WWOX: variants seen among roughly 807,000 people sequenced by gnomAD.
The protein encoded by WWOX is WW domain containing oxidoreductase, also known as WW domain-containing oxidoreductase.
Under a neutral mutation model 46.2 loss-of-function variants are expected in WWOX, and 69 were observed. That is an observed-to-expected ratio of 1.49 (90% CI 1.23 to 1.82). The LOEUF (loss-of-function observed/expected upper bound fraction) is 1.82, where lower values mean the gene tolerates loss of function less well. WWOX is among the 40% of genes most tolerant of loss of function. The probability of loss-of-function intolerance (pLI) is 0.00; values close to 1 mark genes in which losing one functional copy is unlikely to be tolerated. For synonymous variants in WWOX, 359 were observed against 202.6 expected (o/e 1.77, Z -6.56); for missense variants, 919 against 542.6 (o/e 1.69, Z -6.89).
At chr16:79,104,054 G>A (rs1176978526) in intron 8 of WWOX, among the ~76,000 whole-genome samples, 1 of 77,400 alleles carries the variant, frequency 1.3e-5, no homozygotes, top group African/African-American at 4.5e-5. Flanking sequence ...GGGGGGGCGG[G>A]TGGTGGGGGT....
intron 8 of WWOX, among the ~76,000 whole-genome samples, chr16:79,030,164 C>T (rs1297741552): frequency 6.6e-6 from 1 of 152,188 alleles, no homozygotes; most frequent in African/African-American, 2.4e-5. Context: ...GTCTAATTTT[C>T]CGTTATCATA....
chr16:78,102,199 C>G (rs1325722138), intron 1 of WWOX, among the ~76,000 whole-genome samples: 1 of 152,168 alleles, frequency 6.6e-6, no homozygotes, highest in Non-Finnish European at 1.5e-5. Flanking sequence ...GCCTGAGGCA[C>G]TGTGCCAAGC....
At chr16:78,603,048 G>A (rs76993672) in intron 8 of WWOX, among the ~76,000 whole-genome samples, 1 of 152,132 alleles carries the variant, frequency 6.6e-6, no homozygotes, top group African/African-American at 2.4e-5. Flanking sequence ...ATTGTGAACG[G>A]GGTGGAGGTG....
Position 78,605,731 on chromosome 16 carries a change from G to C in WWOX, c.1056+172979G>C, listed in dbSNP as rs80166050. On this transcript the variant is annotated intron_variant, in intron 8 of 8. Transcript: ENST00000566780. Reference sequence around the variant, plus strand: ...TGAGTGTCTACAGATGATGAAAATAGCCAGTTATCTTTGCCCTTCATGGAA... The same window carrying C: ...TGAGTGTCTACAGATGATGAAAATACCCAGTTATCTTTGCCCTTCATGGAA... Among the ~76,000 whole-genome samples, 23 of 152,284 alleles carry C rather than the reference G, an allele frequency of 1.5e-4. No individual in the cohort carries two copies. The East Asian group carries it at 3.9e-3, about 26-fold the overall frequency.
At chr16:78,908,535 G>C (rs1051892930) in intron 8 of WWOX, among the ~76,000 whole-genome samples, 1 of 53,914 alleles carries the variant, frequency 1.9e-5, no homozygotes, top group Admixed American at 2.8e-4. Context: ...CTGAAACTCT[G>C]TCTCGGAAAA....
At position 78,814,297 on chromosome 16, in the gene WWOX, A is replaced by T. The variant is rs964809992; in HGVS notation, c.1056+381545A>T. Among the ~76,000 whole-genome samples, 5 of 152,020 alleles carry T rather than the reference A, an allele frequency of 3.3e-5. No homozygotes were observed. In the East Asian group the frequency reaches 9.7e-4, roughly 29 times the overall value. On this transcript the variant is annotated intron_variant, in intron 8 of 8. Transcript: ENST00000566780. ...TCCCCTTCCCCTCTTGTTCCTTTTTATCCTCCTGGTGAAGTATCTCCTTTT... is the reference window on the plus strand; with the variant it reads ...TCCCCTTCCCCTCTTGTTCCTTTTTTTCCTCCTGGTGAAGTATCTCCTTTT...
At chr16:78,759,529 C>G (rs1364613099) in intron 8 of WWOX, among the ~76,000 whole-genome samples, 2 of 152,048 alleles carry the variant, frequency 1.3e-5, no homozygotes, top group South Asian at 2.1e-4. Flanking sequence ...GTGAGCCTGC[C>G]CATATCTCGG....
At chr16:78,111,329 A>T (rs1444775921) in intron 3 of WWOX, among the ~76,000 whole-genome samples, 1 of 152,246 alleles carries the variant, frequency 6.6e-6, no homozygotes, top group East Asian at 1.9e-4. Flanking sequence ...ATTATCAATC[A>T]TTACTATAAA....
At chr16:78,990,572 C>A (rs1287012800) in intron 8 of WWOX, among the ~76,000 whole-genome samples, 2 of 152,152 alleles carry the variant, frequency 1.3e-5, no homozygotes, top group African/African-American at 4.8e-5. Context: ...CCCCAAAGCC[C>A]CAGGGTAATT....
intron 8 of WWOX, among the ~76,000 whole-genome samples, chr16:78,964,172 T>A (rs2046323591): frequency 6.6e-6 from 1 of 152,126 alleles, no homozygotes; most frequent in African/African-American, 2.4e-5. Context: ...TATCTGAAAA[T>A]GTGGAAGTGA....
intron 8 of WWOX, among the ~76,000 whole-genome samples, chr16:78,876,568 T>C (rs1219474797): frequency 6.6e-6 from 1 of 152,100 alleles, no homozygotes; most frequent in Admixed American, 6.6e-5. Context: ...TCTCCCAGTG[T>C]CTTTAATTTG....
At chr16:78,631,909 T>C (rs929159209) in intron 8 of WWOX, among the ~76,000 whole-genome samples, 1 of 152,232 alleles carries the variant, frequency 6.6e-6, no homozygotes, top group Non-Finnish European at 1.5e-5. Context: ...CACTTTTTGA[T>C]TTAAATTATT....
At chr16:78,958,530 T>C (rs182521625) in intron 8 of WWOX, among the ~76,000 whole-genome samples, 1 of 152,334 alleles carries the variant, frequency 6.6e-6, no homozygotes, top group African/African-American at 2.4e-5. Context: ...GTTTTGCCAA[T>C]TTGGGAAGTT....
intron 8 of WWOX, among the ~76,000 whole-genome samples, chr16:79,097,505 G>A (rs1032635823): frequency 6.6e-6 from 1 of 152,086 alleles, no homozygotes; most frequent in Non-Finnish European, 1.5e-5. Context: ...CAGTGGCACC[G>A]CAGCGCTATC....
intron 8 of WWOX, among the ~76,000 whole-genome samples, chr16:78,570,253 TA>T (rs1354279293): frequency 1.4e-4 from 21 of 152,268 alleles, no homozygotes; most frequent in African/African-American, 5.1e-4. Context: ...TTTATTAATA[TA>T]AAAACTTGCG....
chr16:78,835,259 C>T (rs1211174988), intron 8 of WWOX, among the ~76,000 whole-genome samples: 1 of 152,172 alleles, frequency 6.6e-6, no homozygotes, highest in Non-Finnish European at 1.5e-5. Flanking sequence ...TATTCACCTT[C>T]CGAGATTATT....
At chr16:79,085,986 C>T (rs532963438) in intron 8 of WWOX, among the ~76,000 whole-genome samples, 8 of 151,990 alleles carry the variant, frequency 5.3e-5, no homozygotes, top group East Asian at 1.9e-4. Context: ...GCAGGAGGAT[C>T]GCTTGCATCC....
rs540848740 is a variant in WWOX, at chr16:78,748,104, C to T, written c.1056+315352C>T. 1.4e-3 allele frequency among the ~76,000 whole-genome samples: 207 copies of T among 152,214 alleles called. 1 individual carries two copies. Among genetic ancestry groups the T allele is most frequent in the Middle Eastern group, 3.4e-3 (1 of 294 alleles). On this transcript the variant is annotated intron_variant, in intron 8 of 8. Transcript: ENST00000566780. ...TTCACAGACTCTGCTCTTTCTCTCC[C>T]AGACCGGACCCTCCACTCCTCTATC...
chr16:79,066,293 G>T (rs972130976), intron 8 of WWOX, among the ~76,000 whole-genome samples: 1 of 151,988 alleles, frequency 6.6e-6, no homozygotes, highest in African/African-American at 2.4e-5. Flanking sequence ...GCTTCCTCCC[G>T]CACACTGAGC....
Sources: allele counts gnomAD v4.1 joint callset (sites outside exome capture counted in the v4.1 genomes callset), GRCh38; gene constraint gnomAD v4.1.1; transcripts MANE v1.5; gene names NCBI Gene and HGNC (gene_info 2026-07-23, HGNC 2026-07-21).